PTPRQ: variants seen among roughly 807,000 people sequenced by gnomAD.
PTPRQ encodes the protein phosphatidylinositol phosphatase PTPRQ.
Under a neutral mutation model 246.0 loss-of-function variants are expected in PTPRQ, and 199 were observed. The ratio of observed to expected loss-of-function variants is 0.81; its 90% confidence interval spans 0.72 to 0.91. The LOEUF (loss-of-function observed/expected upper bound fraction) is 0.91, where lower values mean the gene tolerates loss of function less well. Ranked by LOEUF, PTPRQ falls within the 40% of genes least tolerant of loss-of-function variation. The probability of loss-of-function intolerance (pLI) is 0.00; values close to 1 mark genes in which losing one functional copy is unlikely to be tolerated. For missense variants in PTPRQ, 2,624 were observed against 2,528.4 expected (o/e 1.04, Z -0.81); for synonymous variants, 869 against 853.2 (o/e 1.02, Z -0.32).
At chr12:80,669,612 G>C (rs1900904389) in intron 41 of PTPRQ, 148 bp downstream of exon 41, 1 of 1,207,424 alleles carries the variant, frequency 8.3e-7, no homozygotes, top group Non-Finnish European at 1.1e-6. Context: ...ACAGAATTTT[G>C]AATCGATATC....
At chr12:80,577,563 A>G (rs1238666229) in intron 25 of PTPRQ, among the ~76,000 whole-genome samples, 1 of 152,184 alleles carries the variant, frequency 6.6e-6, no homozygotes, top group Non-Finnish European at 1.5e-5. Flanking sequence ...CAGAATATGT[A>G]TAACTATATG....
chr12:80,646,129 A>G (rs955037109), intron 35 of PTPRQ, among the ~76,000 whole-genome samples: 1 of 152,156 alleles, frequency 6.6e-6, no homozygotes, highest in Non-Finnish European at 1.5e-5. Context: ...CAATTGTAGA[A>G]CAGTATGGAT....
At chr12:80,654,619 G>A (rs749545797) in intron 38 of PTPRQ, among the ~76,000 whole-genome samples, 2 of 151,430 alleles carry the variant, frequency 1.3e-5, no homozygotes, top group African/African-American at 4.9e-5. Flanking sequence ...AGGCTGAGGC[G>A]GGCAGATCAC....
intron 14 of PTPRQ, among the ~76,000 whole-genome samples, chr12:80,499,645 T>C (rs1374770611): frequency 6.6e-6 from 1 of 152,030 alleles, no homozygotes; most frequent in Non-Finnish European, 1.5e-5. Flanking sequence ...TATTACTAAT[T>C]AAAAATAGGA....
intron 25 of PTPRQ, among the ~76,000 whole-genome samples, chr12:80,560,802 C>T (rs1283193447): frequency 1.3e-5 from 2 of 152,074 alleles, no homozygotes; most frequent in Non-Finnish European, 2.9e-5. Flanking sequence ...ATAGGATACC[C>T]TGTTTATTGC....
chr12:80,641,909 T>C (rs1899874529), intron 35 of PTPRQ, among the ~76,000 whole-genome samples: 1 of 150,458 alleles, frequency 6.6e-6, no homozygotes, highest in Admixed American at 6.6e-5. Context: ...CTCTCTCTCT[T>C]TCTCTCCCTC....
intron 3 of PTPRQ, among the ~76,000 whole-genome samples, chr12:80,450,774 A>C (rs1892735060): frequency 6.6e-6 from 1 of 152,066 alleles, no homozygotes; most frequent in Admixed American, 6.6e-5. Flanking sequence ...GCTGGATTCC[A>C]TTTGCCAGTA....
chr12:80,480,385 G>A (rs1893995671), intron 8 of PTPRQ, among the ~76,000 whole-genome samples: 3 of 152,014 alleles, frequency 2.0e-5, no homozygotes, highest in East Asian at 1.9e-4. Flanking sequence ...TGTGTAGAGG[G>A]AAATTTATAG....
intron 35 of PTPRQ, among the ~76,000 whole-genome samples, chr12:80,636,982 G>T (rs569789368): frequency 6.6e-6 from 1 of 152,032 alleles, no homozygotes; most frequent in Non-Finnish European, 1.5e-5. Flanking sequence ...AGAAAAGGTC[G>T]GGTGTGGTGA....
chr12:80,600,252 T>C (rs1220331944), intron 26 of PTPRQ, among the ~76,000 whole-genome samples: 2 of 151,766 alleles, frequency 1.3e-5, no homozygotes, highest in Non-Finnish European at 2.9e-5. Context: ...TTGAATGTCA[T>C]TTTTCTCTTA....
chr12:80,620,007 C>A, intron 31 of PTPRQ, 147 bp from the exon 32 acceptor site: 1 of 996,056 alleles, frequency 1.0e-6, no homozygotes, highest in Non-Finnish European at 1.4e-6. Context: ...GGGTTACCTG[C>A]CTATACAGGT....
At chr12:80,506,001 A>C (rs1459813725) in intron 14 of PTPRQ, 23 bp from the exon 15 acceptor site, 1 of 1,531,616 alleles carries the variant, frequency 6.5e-7, no homozygotes, top group South Asian at 1.3e-5. Context: ...TGTTTTATGT[A>C]TCTATATTTT....
intron 27 of PTPRQ, among the ~76,000 whole-genome samples, chr12:80,609,631 C>G (rs1224905515): frequency 6.6e-6 from 1 of 150,504 alleles, no homozygotes; most frequent in East Asian, 1.9e-4. Context: ...TTTCATATGC[C>G]TAAAGACACT....
intron 6 of PTPRQ, among the ~76,000 whole-genome samples, chr12:80,461,448 T>A (rs1214873480): frequency 2.0e-5 from 3 of 152,114 alleles, no homozygotes; most frequent in Non-Finnish European, 4.4e-5. Context: ...TTAGATATTA[T>A]CATTACTACT....
intron 23 of PTPRQ, 72 bp downstream of exon 23, chr12:80,542,953 G>A: frequency 4.9e-6 from 5 of 1,018,262 alleles, no homozygotes; most frequent in Non-Finnish European, 5.4e-6. Context: ...TGACATATAG[G>A]AGGAAAATGG....
intron 25 of PTPRQ, among the ~76,000 whole-genome samples, chr12:80,560,689 C>T (rs974330744): frequency 3.3e-5 from 5 of 152,302 alleles, no homozygotes; most frequent in African/African-American, 7.2e-5. Context: ...ACATCTTTTA[C>T]GGAAATGTGT....
At chr12:80,448,152 C>T (rs1158682979) in intron 3 of PTPRQ, among the ~76,000 whole-genome samples, 5 of 151,720 alleles carry the variant, frequency 3.3e-5, no homozygotes, top group Non-Finnish European at 5.9e-5. Context: ...TTGTGGCTAT[C>T]GTAAATGGGA....
intron 8 of PTPRQ, among the ~76,000 whole-genome samples, chr12:80,480,354 T>TCA (rs1893994080): frequency 6.6e-6 from 1 of 151,972 alleles, no homozygotes; most frequent in African/African-American, 2.4e-5. Flanking sequence ...TACCAGAATA[T>TCA]CTGGGACGCA....
intron 33 of PTPRQ, among the ~76,000 whole-genome samples, chr12:80,623,487 G>T (rs1899075329): frequency 6.6e-6 from 1 of 152,070 alleles, no homozygotes; most frequent in Admixed American, 6.6e-5. Context: ...TTTGATAGGT[G>T]AGTCTATCAC....
Sources: allele counts gnomAD v4.1 joint callset (sites outside exome capture counted in the v4.1 genomes callset), GRCh38; gene constraint gnomAD v4.1.1; transcripts MANE v1.5; gene names NCBI Gene and HGNC (gene_info 2026-07-23, HGNC 2026-07-21).